The following IQCN variants were observed in gnomAD, a reference collection of about 807,000 sequenced individuals.
IQCN encodes IQ motif containing N.
In IQCN, 46 loss-of-function variants were observed where a neutral mutation model predicts 64.4. The observed-to-expected ratio is 0.71, with a 90% CI of 0.56 to 0.91. The LOEUF is 0.91. IQCN is among the 40% of genes least tolerant of loss of function. IQCN has a pLI of 0.00. For synonymous variants in IQCN, 733 were observed against 775.6 expected, an observed-to-expected ratio of 0.95 and a Z score of 0.91; for missense variants, 1,753 against 1,857.4, an observed-to-expected ratio of 0.94 and a Z score of 1.03.
chr19:18,263,659 C>G lies in IQCN; in HGVS notation c.3177+704G>C, dbSNP rs755440267. Reference sequence around the variant, plus strand: ...CGATTTGGGGGCTGATACCTCCTCCCCAGGCTCTCCCTGGAAGCCCTGGAT... The same window carrying G: ...CGATTTGGGGGCTGATACCTCCTCCGCAGGCTCTCCCTGGAAGCCCTGGAT... On this transcript the variant is annotated intron_variant, in intron 3 of 3. Coordinates refer to ENST00000392413, the MANE Select transcript of IQCN (RefSeq NM_001145304.2). 1.6e-4 allele frequency among the ~76,000 whole-genome samples: 24 copies of G among 152,132 alleles called. 1 individual carries two copies. The highest frequency in any genetic ancestry group is 1.5e-5 in the Non-Finnish European group (1 of 68,002).
In IQCN at chr19:18,265,808, C is replaced by T. The variant is rs1018718109; in HGVS notation, c.1732G>A (p.Gly578Arg). 1 of 1,614,106 alleles carries T rather than the reference C, an allele frequency of 6.2e-7. No homozygotes were observed. The highest frequency in any genetic ancestry group is 1.3e-5 in the African/African-American group (1 of 74,942). Residue 578 changes from glycine to arginine, a missense_variant, in exon 3 of 4, where the codon GGG (glycine) becomes AGG (arginine). Gly to Arg is a moderately radical substitution (Grantham distance 125). Coordinates refer to ENST00000392413, the MANE Select transcript of IQCN (RefSeq NM_001145304.2). The surrounding 1 kb of genome is among the most constrained non-coding windows in gnomAD (Gnocchi z 4.7). ...KASSPSYLAE[G>R]KIRCLAQPHP... ...GGTTGAGCCAGGCACCTGATCTTCC[C>T]CTCAGCCAAATAGGAGGGGGATGAG... is the stretch of plus-strand genomic sequence containing the variant.
chr19:18,269,672 TA>T (rs71886739), intron 1 of IQCN, 85 bp from the exon 2 acceptor site: 101,343 of 373,554 alleles, frequency 0.27, 591 homozygotes, highest in East Asian at 0.32. Flanking sequence ...AGCTAAATTC[TA>T]AAAAAAAAAA....
At chr19:18,271,235 C>T (rs150171255) in intron 1 of IQCN, among the ~76,000 whole-genome samples, 5 of 148,476 alleles carry the variant, frequency 3.4e-5, no homozygotes, top group South Asian at 2.1e-4. Flanking sequence ...TTTGGGAGGC[C>T]GAGGTGGGTG....
chr19:18,266,681 G>A lies in IQCN; in HGVS notation c.859C>T (p.Arg287Trp), dbSNP rs1429578941. ...TCCGGAGCCCTGGCTTTGTTGGTCC[G>A]GGCACTTACACGTTTGGTCTTCACT... ...DSVKTKRVSA[R>W]TNKARAPETP... is the part of the protein sequence containing the mutation. Residue 287 changes from arginine to tryptophan, a missense_variant, in exon 3 of 4, where the codon CGG (arginine) becomes TGG (tryptophan). Coordinates refer to ENST00000392413, the MANE Select transcript of IQCN (RefSeq NM_001145304.2). The surrounding 1 kb of genome is among the most constrained non-coding windows in gnomAD (Gnocchi z 4.3). 3.7e-6 allele frequency: 6 copies of A among 1,614,080 alleles called. No individual in the cohort carries two copies. Among genetic ancestry groups the A allele is most frequent in the African/African-American group, 2.7e-5 (2 of 74,990 alleles).
At chr19:18,270,675 C>A (rs919437855) in intron 1 of IQCN, among the ~76,000 whole-genome samples, 1 of 151,696 alleles carries the variant, frequency 6.6e-6, no homozygotes, top group Non-Finnish European at 1.5e-5. Flanking sequence ...GTTTTTAAAA[C>A]AGAGTCCCAC....
rs771718803 is a variant in IQCN, at chr19:18,258,009, G to A, written c.3275C>T (p.Ala1092Val). Residue 1092 changes from alanine (A) to valine (V), a missense_variant, in exon 4 of 4, where the codon GCG (alanine) becomes GTG (valine). Ala to Val is a moderately conservative substitution (Grantham distance 64). Transcript: ENST00000392413. Reference sequence around the variant, plus strand: ...CCCGGACCGCCTGGGAGGCACCACCGCCTTGTTGCGCCAGGTGTCCCAGGA... The same window carrying A: ...CCCGGACCGCCTGGGAGGCACCACCACCTTGTTGCGCCAGGTGTCCCAGGA... Reference protein sequence around the residue: ...AASWDTWRNKAVVPPRRSGEP... With the variant: ...AASWDTWRNKVVVPPRRSGEP... 8.1e-6 allele frequency: 13 copies of A among 1,612,614 alleles called. No individual in the cohort carries two copies. Among genetic ancestry groups the A allele is most frequent in the Middle Eastern group, 1.6e-4 (1 of 6,062 alleles).
At chr19:18,273,891 C>T (rs989443829) in intron 1 of IQCN, among the ~76,000 whole-genome samples, 16 of 152,202 alleles carry the variant, frequency 1.1e-4, no homozygotes, top group Non-Finnish European at 7.4e-5. Context: ...GCGACTGGCT[C>T]GGTAATTTTG....
Position 18,264,752 on chromosome 19 carries a change from G to GA in IQCN, c.2787_2788insT (p.Gln930SerfsTer16). The stretch of plus-strand genomic sequence containing the variant: ...ACCAGCGCCATGCTCAGCATGCTCT[G>GA]GGGCAGGGCTTTGGTGACAGTGGCA... On this transcript the variant is annotated frameshift_variant, in exon 3 of 4. Coordinates refer to ENST00000392413, the MANE Select transcript of IQCN (RefSeq NM_001145304.2). LOFTEE classifies it high-confidence loss of function. The surrounding 1 kb of genome is among the most constrained non-coding windows in gnomAD (Gnocchi z 4.3). 1 of 1,551,242 alleles carries GA rather than the reference G, an allele frequency of 6.4e-7. No homozygotes were observed. Among genetic ancestry groups the GA allele is most frequent in the Non-Finnish European group, 8.7e-7 (1 of 1,146,990 alleles).
Position 18,266,409 on chromosome 19 carries a change from G to C in IQCN, c.1131C>G (p.Thr377=), listed in dbSNP as rs202185505. 2.3e-5 allele frequency: 36 copies of C among 1,593,134 alleles called. No homozygotes were observed. In the East Asian group the frequency reaches 8.1e-4, roughly 36 times the overall value. The change falls in exon 3 of 4, where the codon ACC becomes ACG. Residue 377 remains threonine, a synonymous_variant. Coordinates refer to ENST00000392413, the MANE Select transcript of IQCN (RefSeq NM_001145304.2). The surrounding 1 kb of genome is among the most constrained non-coding windows in gnomAD (Gnocchi z 4.3). ...TGGGCCCCGGATACATCTGGGCTGGGGTCTTGATTATTGTTACTTTGGGAA... is the reference window on the plus strand; with the variant it reads ...TGGGCCCCGGATACATCTGGGCTGGCGTCTTGATTATTGTTACTTTGGGAA... ...SPVPKVTIIK[T]PAQMYPGPTV...
At chr19:18,258,445 C>A in intron 3 of IQCN, 2 of 566,042 alleles carry the variant, frequency 3.5e-6, no homozygotes, top group Non-Finnish European at 6.7e-6. Flanking sequence ...AGTTCTGGAA[C>A]AATCCTACCA....
Position 18,266,179 on chromosome 19 carries a change from G to T in IQCN, c.1361C>A (p.Pro454Gln), listed in dbSNP as rs1229818380. 1.2e-6 allele frequency: 2 copies of T among 1,614,132 alleles called. No individual in the cohort carries two copies. The highest frequency in any genetic ancestry group is 2.2e-5 in the South Asian group (2 of 91,080). Residue 454 changes from proline to glutamine, a missense_variant, in exon 3 of 4, where the codon CCA becomes CAA. Physicochemically the swap from Pro to Gln is moderately conservative, Grantham distance 76. Transcript: ENST00000392413. The surrounding 1 kb of genome is among the most constrained non-coding windows in gnomAD (Gnocchi z 4.3). ...GGTGGTGACCGGGTGCATCTGGGGT[G>T]GGGTCTTTGCCATCGCAGGCCCCGG... ...VCPGPAMAKT[P>Q]PQMHPVTTPA...
chr19:18,261,600 T>C (rs1969429374), intron 3 of IQCN: 2 of 151,154 alleles, frequency 1.3e-5, no homozygotes. Context: ...CACAGATGGG[T>C]CGCCTGGGCT....
rs749870985 is a variant in IQCN, at chr19:18,266,658, C to T, written c.882G>A (p.Pro294=). ...VSARTNKARA[P]ETPLSRRYDQ... ...CATACCTTCTGGACAATGGTGTCTCCGGAGCCCTGGCTTTGTTGGTCCGGG... is the reference window on the plus strand; with the variant it reads ...CATACCTTCTGGACAATGGTGTCTCTGGAGCCCTGGCTTTGTTGGTCCGGG... The change falls in exon 3 of 4, where the codon CCG becomes CCA. Residue 294 remains proline, a synonymous_variant. Transcript: ENST00000392413. This position sits in a 1 kb window ranked among gnomAD's most constrained non-coding sequence, Gnocchi z 4.3. The T allele has an allele frequency of 7.4e-6, 12 of 1,614,038 alleles. No individual in the cohort carries two copies. The highest frequency in any genetic ancestry group is 3.3e-5 in the Admixed American group (2 of 60,018).
rs1337217578 is a variant in IQCN at position 18,265,458 on chromosome 19, TC to T, written c.2081del (p.Gly694AspfsTer7). On this transcript the variant is annotated frameshift_variant, in exon 3 of 4. Transcript: ENST00000392413. LOFTEE classifies it high-confidence loss of function. This position sits in a 1 kb window ranked among gnomAD's most constrained non-coding sequence, Gnocchi z 4.7. Reference sequence around the variant, plus strand: ...TCTTGGTCAGCTCAGTGGGCAGATGTCCCTGAGATGAGGCCTTGGTCAGCGG... The same window carrying T: ...TCTTGGTCAGCTCAGTGGGCAGATGTCCTGAGATGAGGCCTTGGTCAGCGG... Reference protein sequence around the residue: ...AAPLTKASSQGHLPTELTKTP... With the variant: ...AAPLTKASSQXHLPTELTKTP... 11 of 1,613,554 alleles carry T rather than the reference TC, an allele frequency of 6.8e-6. No individual in the cohort carries two copies. The highest frequency in any genetic ancestry group is 9.3e-6 in the Non-Finnish European group (11 of 1,179,698).
At chr19:18,262,374 G>T in intron 3 of IQCN, 1 of 152,948 alleles carries the variant, frequency 6.5e-6, no homozygotes, top group South Asian at 2.0e-4. Flanking sequence ...AACAGACTGA[G>T]ATGGGTAGTC....
At chr19:18,263,208 T>G (rs531592576) in intron 3 of IQCN, among the ~76,000 whole-genome samples, 3 of 152,292 alleles carry the variant, frequency 2.0e-5, no homozygotes, top group African/African-American at 7.2e-5. Flanking sequence ...CCGTGACTCA[T>G]CTATCTTGTT....
chr19:18,266,412 CTTGA>C lies in IQCN; in HGVS notation c.1124_1127del (p.Ile375ArgfsTer12). The C allele has an allele frequency of 6.3e-7, 1 of 1,590,670 alleles. No individual in the cohort carries two copies. The highest frequency in any genetic ancestry group is 8.6e-7 in the Non-Finnish European group (1 of 1,169,112). On this transcript the variant is annotated frameshift_variant, in exon 3 of 4. Transcript: ENST00000392413. LOFTEE classifies it high-confidence loss of function. This position sits in a 1 kb window ranked among gnomAD's most constrained non-coding sequence, Gnocchi z 4.3. ...GCCCCGGATACATCTGGGCTGGGGT[CTTGA>C]TTATTGTTACTTTGGGAACTGGGCT...
intron 1 of IQCN, among the ~76,000 whole-genome samples, chr19:18,271,827 A>G (rs1969740710): frequency 6.6e-6 from 1 of 151,970 alleles, no homozygotes; most frequent in African/African-American, 2.4e-5. Context: ...GATTTTTGAG[A>G]CAGAGTCTCA....
chr19:18,263,755 G>A (rs907863402), intron 3 of IQCN, among the ~76,000 whole-genome samples: 1 of 152,134 alleles, frequency 6.6e-6, no homozygotes, highest in Non-Finnish European at 1.5e-5. Context: ...TGACACCAAG[G>A]CAGGCCCCCA....
Sources: gnomAD v4.1 joint callset for allele counts (sites outside exome capture counted in the v4.1 genomes callset) on GRCh38, gnomAD v4.1.1 for gene constraint, Gnocchi (gnomAD v3.1) non-coding constraint, MANE v1.5 for transcripts, NCBI Gene and HGNC (gene_info 2026-07-23, HGNC 2026-07-21) for gene names.